Variants in ITPR1 observed in about 807,000 individuals in gnomAD.
ITPR1 encodes inositol 1,4,5-trisphosphate-gated calcium channel ITPR1.
A neutral mutation model predicts 318.4 loss-of-function variants in ITPR1; 96 were observed. The ratio of observed to expected loss-of-function variants is 0.30; its 90% CI spans 0.26 to 0.36. The LOEUF is 0.36. ITPR1 is among the 10% of genes least tolerant of loss of function. The probability of loss-of-function intolerance (pLI) is 1.00; values close to 1 mark genes in which losing one functional copy is unlikely to be tolerated. For missense variants in ITPR1, 2,440 were observed against 3,460.2 expected (o/e 0.71, Z 7.40); for synonymous variants, 1,312 against 1,289.9 (o/e 1.02, Z -0.37).
intron 4 of ITPR1, among the ~76,000 whole-genome samples, chr3:4,573,440 G>GC (rs1483192290): frequency 6.6e-6 from 1 of 152,036 alleles, no homozygotes; most frequent in Non-Finnish European, 1.5e-5. Flanking sequence ...CTCAATCCTT[G>GC]CCCCCCTACA....
chr3:4,667,726 G>A lies in ITPR1; in HGVS notation c.1886+177G>A, dbSNP rs533285905. Among the ~76,000 whole-genome samples, 23 of 152,212 alleles carry A rather than the reference G, an allele frequency of 1.5e-4. No individual in the cohort carries two copies. The East Asian group carries it at 4.4e-3, about 29-fold the overall frequency. On this transcript the variant is annotated intron_variant, in intron 18 of 61. Transcript: ENST00000649015. ...ACTTGGTGTTAAAATGAGACCTGGG[G>A]GTGCATTCCTAGCTCCAGTGTGTCC...
At chr3:4,654,275 A>C (rs994205743) in intron 12 of ITPR1, among the ~76,000 whole-genome samples, 1 of 152,164 alleles carries the variant, frequency 6.6e-6, no homozygotes, top group Non-Finnish European at 1.5e-5. Context: ...TTCAGGGAGT[A>C]AGTATGTGAG....
chr3:4,535,918 A>G (rs2083832038), intron 4 of ITPR1, among the ~76,000 whole-genome samples: 2 of 152,132 alleles, frequency 1.3e-5, no homozygotes, highest in Non-Finnish European at 2.9e-5. Flanking sequence ...CTGTATGAAG[A>G]TTATGTAAAA....
chr3:4,837,385 T>C (rs1429828081), intron 61 of ITPR1, among the ~76,000 whole-genome samples: 1 of 152,148 alleles, frequency 6.6e-6, no homozygotes, highest in Non-Finnish European at 1.5e-5. Context: ...ACCATAGTCA[T>C]GGAAAAGCCC....
At chr3:4,787,902 G>A (rs1488606815) in intron 51 of ITPR1, 45 bp from the exon 52 acceptor site, 1 of 1,379,518 alleles carries the variant, frequency 7.2e-7, no homozygotes, top group Admixed American at 2.0e-5. Context: ...CTTAGTAAAA[G>A]GTTTCAAAGA....
chr3:4,833,424 G>C (rs994159886), intron 60 of ITPR1, among the ~76,000 whole-genome samples: 32 of 152,218 alleles, frequency 2.1e-4, no homozygotes, highest in Non-Finnish European at 4.4e-5. Context: ...TAGAAGGTTT[G>C]CTAAGCAAAT....
chr3:4,680,858 A>G (rs1356898262), intron 25 of ITPR1, among the ~76,000 whole-genome samples, 167 bp downstream of exon 25: 1 of 152,242 alleles, frequency 6.6e-6, no homozygotes, highest in African/African-American at 2.4e-5. Context: ...AATAATTGAT[A>G]GAGCCCAGAT....
intron 61 of ITPR1, among the ~76,000 whole-genome samples, chr3:4,841,837 T>C (rs567317273): frequency 6.6e-6 from 1 of 152,250 alleles, no homozygotes; most frequent in Non-Finnish European, 1.5e-5. Context: ...ATTGTATCTA[T>C]ACATTGATAG....
intron 2 of ITPR1, among the ~76,000 whole-genome samples, chr3:4,509,269 T>C (rs2081620986): frequency 6.6e-6 from 1 of 152,228 alleles, no homozygotes; most frequent in African/African-American, 2.4e-5. Flanking sequence ...TCACATATTC[T>C]GAGTCTGTTT....
rs1251631119 is a variant in ITPR1 at position 4,775,559 on chromosome 3, C to T, written c.6180+117C>T. On this transcript the variant is annotated intron_variant, in intron 47 of 61. Transcript: ENST00000649015. ...CTGTTGGCCTAGGGAGTCAGTAGGA[C>T]AGGAGGCTGTCTTCCAGCAGTTGAG... 242 of 718,384 alleles carry T rather than the reference C, an allele frequency of 3.4e-4. 1 individual carries two copies. The highest frequency in any genetic ancestry group is 9.5e-6 in the Non-Finnish European group (4 of 420,600). 44.5% of individuals were successfully genotyped at this position (718,384 alleles called of 1,614,324 possible).
At chr3:4,700,669 G>A (rs17041228) in intron 35 of ITPR1, among the ~76,000 whole-genome samples, 1 of 152,240 alleles carries the variant, frequency 6.6e-6, no homozygotes, top group Admixed American at 6.5e-5. Flanking sequence ...GAGCCATCGT[G>A]TCCTTTTGCT....
At chr3:4,709,395 C>A (rs1208102433) in intron 37 of ITPR1, among the ~76,000 whole-genome samples, 1 of 152,216 alleles carries the variant, frequency 6.6e-6, no homozygotes, top group Non-Finnish European at 1.5e-5. Flanking sequence ...TCATTAGTTT[C>A]TGGATGAAAG....
chr3:4,625,768 A>G (rs1472189401), intron 4 of ITPR1, among the ~76,000 whole-genome samples: 1 of 152,138 alleles, frequency 6.6e-6, no homozygotes, highest in Non-Finnish European at 1.5e-5. Flanking sequence ...CATGTTAGCC[A>G]GGATGGTCTC....
intron 33 of ITPR1, among the ~76,000 whole-genome samples, 169 bp downstream of exon 33, chr3:4,693,910 T>C (rs2094517816): frequency 6.6e-6 from 1 of 152,238 alleles, no homozygotes; most frequent in African/African-American, 2.4e-5. Context: ...TCTCGAGCAT[T>C]GATTTTGCAT....
chr3:4,657,469 A>ATTT (rs61012467), intron 12 of ITPR1, among the ~76,000 whole-genome samples: 49 of 127,274 alleles, frequency 3.8e-4, no homozygotes, highest in African/African-American at 1.4e-3. Flanking sequence ...TTTTTGAAAG[A>ATTT]TTTTTTTTTT....
At chr3:4,634,877 T>G (rs1234901482) in intron 5 of ITPR1, among the ~76,000 whole-genome samples, 1 of 152,118 alleles carries the variant, frequency 6.6e-6, no homozygotes, top group East Asian at 1.9e-4. Context: ...TAGCTGGGAT[T>G]ACAGGCATGC....
In ITPR1 at chr3:4,727,191, T is replaced by C. The variant is rs760954168; in HGVS notation, c.5220+18T>C. On this transcript the variant is annotated intron_variant, in intron 42 of 61. Transcript: ENST00000649015. ...ATAAAAGGGTACGTAGTCTTGAGTCTTGGGTATCGGGAGCTAATGATCAAT... is the reference window on the plus strand; with the variant it reads ...ATAAAAGGGTACGTAGTCTTGAGTCCTGGGTATCGGGAGCTAATGATCAAT... The C allele has an allele frequency of 7.6e-6, 12 of 1,573,958 alleles. No homozygotes were observed. In the Admixed American group the frequency reaches 1.6e-4, roughly 20 times the overall value.
rs116239633 is a variant in ITPR1, at chr3:4,560,788, G to A, written c.163+39694G>A. On this transcript the variant is annotated intron_variant, in intron 4 of 61. Coordinates refer to ENST00000649015, the MANE Select transcript of ITPR1 (RefSeq NM_001378452.1). ...CCCCAAGGTCTCATGGAGGGAAGAA[G>A]TAGAGGTGACAGCGACTTATTATAA... Among the ~76,000 whole-genome samples, 993 of 152,318 alleles carry A rather than the reference G, an allele frequency of 6.5e-3. 7 individuals carry two copies. Among genetic ancestry groups the A allele is most frequent in the African/African-American group, 0.023 (958 of 41,582 alleles).
intron 46 of ITPR1, among the ~76,000 whole-genome samples, chr3:4,771,480 C>T (rs1479892318): frequency 6.6e-6 from 1 of 152,206 alleles, no homozygotes; most frequent in Non-Finnish European, 1.5e-5. Context: ...CTCCCTCGCC[C>T]ACACACCCAC....
Sources: allele counts gnomAD v4.1 joint callset (sites outside exome capture counted in the v4.1 genomes callset), GRCh38; gene constraint gnomAD v4.1.1; transcripts MANE v1.5; gene names NCBI Gene and HGNC (gene_info 2026-07-23, HGNC 2026-07-21).